Variants in FERMT3 observed in about 807,000 individuals in gnomAD.
FERMT3 encodes fermitin family homolog 3.
Under a neutral mutation model 80.8 loss-of-function variants are expected in FERMT3, and 33 were observed. The observed-to-expected ratio is 0.41, with a 90% CI of 0.31 to 0.55. The LOEUF (loss-of-function observed/expected upper bound fraction) is 0.55. FERMT3 is among the 20% of genes least tolerant of loss of function. The pLI, the probability that FERMT3 is intolerant of heterozygous loss-of-function variation, is 0.31. For missense variants in FERMT3, 754 were observed against 908.7 expected, an observed-to-expected ratio of 0.83 and a Z score of 2.19; for synonymous variants, 375 against 372.2, an observed-to-expected ratio of 1.01 and a Z score of -0.09.
At chr11:64,222,563 C>CAAA (rs34119299) in intron 13 of FERMT3, among the ~76,000 whole-genome samples, 49 of 83,364 alleles carry the variant, frequency 5.9e-4, no homozygotes, top group African/African-American at 2.0e-3. Flanking sequence ...CACTCCGTCT[C>CAAA]AAAAAAAAAA....
intron 13 of FERMT3, among the ~76,000 whole-genome samples, chr11:64,222,458 G>A (rs901284571): frequency 6.0e-5 from 9 of 150,812 alleles, no homozygotes; most frequent in East Asian, 5.8e-4. Flanking sequence ...CCATGTACTC[G>A]GGAGGCTGAG....
intron 13 of FERMT3, 66 bp downstream of exon 13, chr11:64,221,206 T>C: frequency 6.6e-7 from 1 of 1,520,316 alleles, no homozygotes; most frequent in African/African-American, 1.4e-5. Context: ...CCGGCTGCTG[T>C]GTGCCCACAT....
Position 64,210,339 on chromosome 11 carries a change from C to T in FERMT3, c.161-272C>T, listed in dbSNP as rs1251210491. ...GTGGGCTGGAATGCAAGAGATGGGG[C>T]GCTAAGATTGGGGCACTCAGATGCT... On this transcript the variant is annotated intron_variant, in intron 2 of 14. Transcript: ENST00000345728. This position sits in a 1 kb window ranked among gnomAD's most constrained non-coding sequence, Gnocchi z 4.3. 6.6e-6 allele frequency among the ~76,000 whole-genome samples: 1 copy of T among 152,148 alleles called. No homozygotes were observed. The highest frequency in any genetic ancestry group is 1.5e-5 in the Non-Finnish European group (1 of 68,024).
chr11:64,220,177 C>T, intron 10 of FERMT3, 43 bp from the exon 11 acceptor site: 1 of 1,598,918 alleles, frequency 6.3e-7, no homozygotes, highest in African/African-American at 1.3e-5. Flanking sequence ...TCAGGCGGCT[C>T]TTCCCCTCCC....
rs971731413 is a variant in FERMT3, at chr11:64,221,496, G to A, written c.1670+356G>A. On this transcript the variant is annotated intron_variant, in intron 13 of 14. Transcript: ENST00000345728. ...AATTGTAAAAAATTACCTGGGCATGGTGGTGGTCACCTGTAGTCCAGCTAC... is the reference window on the plus strand; with the variant it reads ...AATTGTAAAAAATTACCTGGGCATGATGGTGGTCACCTGTAGTCCAGCTAC... Among the ~76,000 whole-genome samples the A allele has an allele frequency of 2.0e-5, 3 of 152,168 alleles. No homozygotes were observed. In the East Asian group the frequency reaches 5.8e-4, roughly 29 times the overall value.
Position 64,220,034 on chromosome 11 carries a change from G to C in FERMT3, c.1204+19G>C, listed in dbSNP as rs755445779. 4.3e-6 allele frequency: 7 copies of C among 1,612,846 alleles called. No individual in the cohort carries two copies. Among genetic ancestry groups the C allele is most frequent in the Middle Eastern group, 1.6e-4 (1 of 6,066 alleles). ...CTCAAGGGTAAGTGCACAGGGCCAG[G>C]GGCTGGGTGGGGGGATCCCCACTTG... On this transcript the variant is annotated intron_variant, in intron 10 of 14. Transcript: ENST00000345728.
At chr11:64,213,553 T>G in intron 6 of FERMT3, among the ~76,000 whole-genome samples, 1 of 102,994 alleles carries the variant, frequency 9.7e-6, no homozygotes, top group South Asian at 3.1e-4. Context: ...GCGCCTGGCC[T>G]AATTTTTTTT....
rs78810429 is a variant in FERMT3, at chr11:64,211,062, C to T, written c.405C>T (p.His135=). The T allele has an allele frequency of 0.012, 18,649 of 1,596,214 alleles. 135 individuals carry two copies. Among genetic ancestry groups the T allele is most frequent in the Non-Finnish European group, 0.013 (15,552 of 1,171,536 alleles). ...AAICRLLSIR[H]PEELSLLRAP... ...CCTAGCTCCCCTCAGGCATCCGGCA[C>T]CCCGAGGAGCTGTCCCTGCTCCGGG... The change falls in exon 4 of 15, where the codon CAC becomes CAT. Residue 135 remains histidine (H), a synonymous_variant. Transcript: ENST00000345728. The surrounding 1 kb of genome is among the most constrained non-coding windows in gnomAD (Gnocchi z 4.7).
At chr11:64,217,758 C>G (rs895190209) in intron 6 of FERMT3, among the ~76,000 whole-genome samples, 5 of 152,116 alleles carry the variant, frequency 3.3e-5, no homozygotes, top group Non-Finnish European at 5.9e-5. Context: ...GTCCTCTCTT[C>G]AGCTCACCCT....
rs778983708 is a variant in FERMT3, at chr11:64,220,619, C to T, written c.1495C>T (p.Pro499Ser). 1 of 1,611,756 alleles carries T rather than the reference C, an allele frequency of 6.2e-7. No homozygotes were observed. The highest frequency in any genetic ancestry group is 1.1e-5 in the South Asian group (1 of 90,832). The change falls in exon 12 of 15, where the codon CCC becomes TCC. Residue 499 changes from proline (P) to serine (S), a missense_variant. Pro to Ser is a moderately conservative substitution (Grantham distance 74). Transcript: ENST00000345728. ...TGATGCCTCTGCCGAGGGCCTCAACCCCTACGGCCTCGTTGCCCCCCGTTT... is the reference window on the plus strand; with the variant it reads ...TGATGCCTCTGCCGAGGGCCTCAACTCCTACGGCCTCGTTGCCCCCCGTTT... ...GPDASAEGLN[P>S]YGLVAPRFQR...
Position 64,219,182 on chromosome 11 carries a change from A to C in FERMT3, c.787-69A>C, listed in dbSNP as rs936330832. On this transcript the variant is annotated intron_variant, in intron 6 of 14. Transcript: ENST00000345728. This position sits in a 1 kb window ranked among gnomAD's most constrained non-coding sequence, Gnocchi z 4.0. The stretch of plus-strand genomic sequence containing the variant: ...AGAGGGCCAAGGCTGGCAGGGGCTC[A>C]GTGCAGGGCGTCCAGGGCAGCTGGC... The C allele has an allele frequency of 9.7e-6, 14 of 1,439,268 alleles. No homozygotes were observed. Among genetic ancestry groups the C allele is most frequent in the African/African-American group, 4.2e-5 (3 of 70,760 alleles). The allele number at this position is 1,439,268 out of a possible 1,614,324, so 89.2% of individuals were successfully genotyped here. A position where few individuals can be genotyped will look rare whatever the true frequency, so the allele number is the denominator to read the frequency against.
intron 13 of FERMT3, among the ~76,000 whole-genome samples, chr11:64,222,265 A>AAATT: frequency 6.7e-6 from 1 of 148,762 alleles, no homozygotes. Context: ...ATAAATAAAT[A>AAATT]AATAAATAAA....
intron 6 of FERMT3, among the ~76,000 whole-genome samples, chr11:64,218,420 C>T (rs1946599783): frequency 6.6e-6 from 1 of 152,220 alleles, no homozygotes; most frequent in Admixed American, 6.5e-5. Flanking sequence ...TCTCCCACCT[C>T]AGCATCCTGA....
chr11:64,209,892 G>A (rs920113644), intron 2 of FERMT3, among the ~76,000 whole-genome samples: 4 of 152,154 alleles, frequency 2.6e-5, no homozygotes, highest in East Asian at 1.9e-4. Flanking sequence ...GGGAGGAGGC[G>A]GGGAGACCTG....
rs1187663006 is a variant in FERMT3 at position 64,212,498 on chromosome 11, A to G, written c.786+751A>G. ...ATTTTGACACCATCCACACGTGAGAAGTGCACCTGCTGAGGTGGCCACGTC... is the reference window on the plus strand; with the variant it reads ...ATTTTGACACCATCCACACGTGAGAGGTGCACCTGCTGAGGTGGCCACGTC... On this transcript the variant is annotated intron_variant, in intron 6 of 14. Transcript: ENST00000345728. Among the ~76,000 whole-genome samples, 3 of 152,288 alleles carry G rather than the reference A, an allele frequency of 2.0e-5. No individual in the cohort carries two copies. In the East Asian group the frequency reaches 5.8e-4, roughly 29 times the overall value.
At chr11:64,218,863 C>A (rs1297786897) in intron 6 of FERMT3, among the ~76,000 whole-genome samples, 3 of 152,176 alleles carry the variant, frequency 2.0e-5, no homozygotes, top group Non-Finnish European at 4.4e-5. Context: ...CTGTCATCTC[C>A]ATTGAACTTG....
chr11:64,220,926 A>C, intron 12 of FERMT3, 90 bp from the exon 13 acceptor site: 1 of 1,570,718 alleles, frequency 6.4e-7, no homozygotes, highest in Non-Finnish European at 8.6e-7. Context: ...CCAGGCTCAC[A>C]TGCTGTCACC....
chr11:64,216,219 T>A (rs1946545781), intron 6 of FERMT3, among the ~76,000 whole-genome samples: 1 of 140,902 alleles, frequency 7.1e-6, no homozygotes. Context: ...TTTTTTGAGA[T>A]GGAGTCTTCT....
chr11:64,206,957 T>C (rs923099611), intron 1 of FERMT3, 143 bp downstream of exon 1: 3 of 176,516 alleles, frequency 1.7e-5, no homozygotes, highest in South Asian at 1.1e-4. Context: ...TGTTGGCATC[T>C]GAGCTGTGGG....
Sources: gnomAD v4.1 joint callset for allele counts (sites outside exome capture counted in the v4.1 genomes callset) on GRCh38, gnomAD v4.1.1 for gene constraint, Gnocchi (gnomAD v3.1) non-coding constraint, MANE v1.5 for transcripts, NCBI Gene and HGNC (gene_info 2026-07-23, HGNC 2026-07-21) for gene names.